ZNF106: variants seen among roughly 807,000 people sequenced by gnomAD.
The protein encoded by ZNF106 is zinc finger protein 106.
In ZNF106, 67 loss-of-function variants were observed where a neutral mutation model predicts 195.1. The observed-to-expected ratio is 0.34, with a 90% CI of 0.28 to 0.42. The LOEUF (loss-of-function observed/expected upper bound fraction) is 0.42. Among genes scored for constraint, ZNF106 ranks in the 10% least tolerant of loss-of-function variants. The pLI, the probability that ZNF106 is intolerant of heterozygous loss-of-function variation, is 1.00. For synonymous variants in ZNF106, 784 were observed against 818.6 expected (o/e 0.96, Z 0.72); for missense variants, 2,118 against 2,304.5 (o/e 0.92, Z 1.66).
At chr15:42,433,263 G>A (rs1272501589) in intron 14 of ZNF106, among the ~76,000 whole-genome samples, 3 of 149,062 alleles carry the variant, frequency 2.0e-5, no homozygotes, top group Non-Finnish European at 4.5e-5. Flanking sequence ...CTGCCACCAC[G>A]CCTGGCTAAT....
At position 42,456,992 on chromosome 15, in the gene ZNF106, T is replaced by C. The variant is rs2056247666; in HGVS notation, c.283A>G (p.Ile95Val). Residue 95 changes from isoleucine to valine, a missense_variant, in exon 4 of 22, where the codon ATT becomes GTT. By Grantham distance (29) the Ile-to-Val change is conservative. Coordinates refer to ENST00000564754, the MANE Select transcript of ZNF106 (RefSeq NM_001366845.3). ...EEEDYFDKEL[I>V]QLIKQRKEQS... The stretch of plus-strand genomic sequence containing the variant: ...TCTTTCCTTTGTTTTATTAACTGAA[T>C]GAGTTCCTTGTCAAAATAATCTTCT... 1.2e-6 allele frequency: 2 copies of C among 1,612,476 alleles called. No homozygotes were observed. The highest frequency in any genetic ancestry group is 4.5e-5 in the East Asian group (2 of 44,784).
chr15:42,461,824 A>G lies in ZNF106; in HGVS notation c.116+4229T>C, dbSNP rs1595481456. Reference sequence around the variant, plus strand: ...CAGAGGAAATAATCACAAACTCAGGATAACAGGGTAAAGAAATAATGACTG... The same window carrying G: ...CAGAGGAAATAATCACAAACTCAGGGTAACAGGGTAAAGAAATAATGACTG... On this transcript the variant is annotated intron_variant, in intron 3 of 21. Transcript: ENST00000564754. Among the ~76,000 whole-genome samples the G allele has an allele frequency of 1.3e-5, 2 of 152,358 alleles. 1 individual carries two copies. The highest frequency in any genetic ancestry group is 4.1e-4 in the South Asian group (2 of 4,824).
chr15:42,474,596 A>G (rs1188278756), intron 1 of ZNF106, among the ~76,000 whole-genome samples: 1 of 152,094 alleles, frequency 6.6e-6, no homozygotes, highest in East Asian at 1.9e-4. Context: ...ACAAAAAATG[A>G]AAGAATTAGC....
At chr15:42,476,186 T>G (rs1310502405) in intron 1 of ZNF106, among the ~76,000 whole-genome samples, 2 of 152,190 alleles carry the variant, frequency 1.3e-5, no homozygotes, top group Non-Finnish European at 2.9e-5. Context: ...AAGTATTCAA[T>G]CGATAAGGAA....
At chr15:42,445,577 A>C (rs1567012778) in intron 7 of ZNF106, among the ~76,000 whole-genome samples, 1 of 152,190 alleles carries the variant, frequency 6.6e-6, no homozygotes, top group Non-Finnish European at 1.5e-5. Flanking sequence ...CTCCACACCC[A>C]CATATCCAAC....
At chr15:42,466,234 G>A (rs982108289) in intron 2 of ZNF106, 120 bp from the exon 3 acceptor site, 3 of 586,400 alleles carry the variant, frequency 5.1e-6, no homozygotes, top group Non-Finnish European at 8.1e-6. Context: ...ATGTGTTTTT[G>A]GTTATTCTCA....
chr15:42,425,078 C>T (rs1165308172), intron 15 of ZNF106, 53 bp from the exon 16 acceptor site: 2 of 1,559,306 alleles, frequency 1.3e-6, no homozygotes, highest in East Asian at 2.2e-5. Context: ...GAAAATTCAA[C>T]TAACCAACAT....
intron 1 of ZNF106, among the ~76,000 whole-genome samples, chr15:42,485,614 G>A (rs138933167): frequency 6.6e-6 from 1 of 152,130 alleles, no homozygotes; most frequent in Non-Finnish European, 1.5e-5. Context: ...GGATGGAATG[G>A]CGTCCTGTCC....
chr15:42,462,812 G>T (rs1265809514), intron 3 of ZNF106, among the ~76,000 whole-genome samples: 1 of 152,070 alleles, frequency 6.6e-6, no homozygotes, highest in Non-Finnish European at 1.5e-5. Context: ...TTTTGACAGG[G>T]TCTCACTGCC....
chr15:42,451,164 G>C lies in ZNF106; in HGVS notation c.1108C>G (p.Arg370Gly). 1 of 1,614,166 alleles carries C rather than the reference G, an allele frequency of 6.2e-7. No homozygotes were observed. The highest frequency in any genetic ancestry group is 8.5e-7 in the Non-Finnish European group (1 of 1,180,026). ...TGAGAAGGGTAAGGCGTCCAGCGAC[G>C]AGGCTTTTCCCTTGCCGCACTGCCA... ...KNGSAAREKPRRWTPYPSQKT... is the reference protein window; with the variant it reads ...KNGSAAREKPGRWTPYPSQKT... The change falls in exon 5 of 22, where the codon CGT becomes GGT. Residue 370 changes from arginine (R) to glycine (G), a missense_variant. Coordinates refer to ENST00000564754, the MANE Select transcript of ZNF106 (RefSeq NM_001366845.3).
intron 5 of ZNF106, 117 bp downstream of exon 5, chr15:42,449,654 C>T: frequency 7.4e-7 from 1 of 1,351,956 alleles, no homozygotes; most frequent in Non-Finnish European, 1.0e-6. Flanking sequence ...ACATCTACAA[C>T]AGATATTGTT....
chr15:42,490,848 T>A (rs945101994), intron 1 of ZNF106, 132 bp downstream of exon 1: 4 of 152,478 alleles, frequency 2.6e-5, no homozygotes, highest in Non-Finnish European at 5.9e-5. Context: ...ACCACCAGGT[T>A]GCCCCTGAGC....
chr15:42,466,151 G>T, intron 2 of ZNF106, 37 bp from the exon 3 acceptor site: 1 of 1,434,928 alleles, frequency 7.0e-7, no homozygotes, highest in Non-Finnish European at 9.2e-7. Flanking sequence ...AACTAAGCAG[G>T]ATTGCTTTGA....
Position 42,422,497 on chromosome 15 carries a change from C to A in ZNF106, c.5373+4G>T. ...TCAAGCAAAATACTGAATCTAAATT[C>A]TACCTGTAATTCATAGACACGAACA... On this transcript the variant is annotated splice_donor_region_variant and intron_variant, in intron 18 of 21. Coordinates refer to ENST00000564754, the MANE Select transcript of ZNF106 (RefSeq NM_001366845.3). 6.2e-7 allele frequency: 1 copy of A among 1,611,038 alleles called. No homozygotes were observed. The highest frequency in any genetic ancestry group is 1.1e-5 in the South Asian group (1 of 90,382).
chr15:42,443,847 C>T (rs1160642879), intron 9 of ZNF106, among the ~76,000 whole-genome samples: 1 of 152,082 alleles, frequency 6.6e-6, no homozygotes, highest in Admixed American at 6.6e-5. Context: ...TGGCTCATGC[C>T]TGTAATCCCA....
At chr15:42,466,199 T>C (rs1437579252) in intron 2 of ZNF106, 85 bp from the exon 3 acceptor site, 1 of 1,091,876 alleles carries the variant, frequency 9.2e-7, no homozygotes, top group Non-Finnish European at 1.2e-6. Flanking sequence ...AATCAAAAAT[T>C]GGGGCTCAAA....
intron 14 of ZNF106, among the ~76,000 whole-genome samples, chr15:42,428,825 G>A (rs1294194815): frequency 3.3e-5 from 5 of 152,012 alleles, no homozygotes; most frequent in Admixed American, 2.6e-4. Context: ...GTGCAGTGGT[G>A]CGATCTCGGC....
chr15:42,419,897 C>T (rs886705222), intron 20 of ZNF106, among the ~76,000 whole-genome samples: 1 of 152,108 alleles, frequency 6.6e-6, no homozygotes, highest in East Asian at 1.9e-4. Context: ...TTGCAGTGAG[C>T]CGAGATTGCA....
chr15:42,431,773 G>A (rs1159119533), intron 14 of ZNF106, among the ~76,000 whole-genome samples: 2 of 151,484 alleles, frequency 1.3e-5, no homozygotes, highest in Admixed American at 1.3e-4. Flanking sequence ...ACCACAGCCA[G>A]CCTAATTTTT....
Sources: gnomAD v4.1 joint callset for allele counts (sites outside exome capture counted in the v4.1 genomes callset) on GRCh38, gnomAD v4.1.1 for gene constraint, MANE v1.5 for transcripts, NCBI Gene and HGNC (gene_info 2026-07-23, HGNC 2026-07-21) for gene names.